Variants in MCOLN3 observed in about 807,000 individuals in gnomAD.
MCOLN3 encodes the protein mucolipin TRP cation channel 3.
Under a neutral mutation model 69.4 loss-of-function variants are expected in MCOLN3, and 62 were observed. That is an observed-to-expected ratio of 0.89 (90% confidence interval 0.73 to 1.10). The LOEUF (loss-of-function observed/expected upper bound fraction) is 1.10. Ranked by LOEUF, MCOLN3 falls within the 50% of genes least tolerant of loss-of-function variation. MCOLN3 has a pLI of 0.00. For synonymous variants in MCOLN3, 183 were observed against 217.0 expected (o/e 0.84, Z 1.38); for missense variants, 564 against 656.4 (o/e 0.86, Z 1.54).
At chr1:85,030,801 T>C (rs11161512) in intron 6 of MCOLN3, among the ~76,000 whole-genome samples, 26,076 of 152,090 alleles carry the variant, frequency 0.17, 2,592 homozygotes, top group East Asian at 0.46. Context: ...TTAGAAATAA[T>C]GCAAGCTAGA....
Position 85,048,478 on chromosome 1 carries a change from C to T in MCOLN3, c.-85G>A, listed in dbSNP as rs899856262. ...AGTCAGCGAGCGACTCCAGCAGCCTCGAGCCCCGCTCCGCCCAGAGTCAGA... is the reference window on the plus strand; with the variant it reads ...AGTCAGCGAGCGACTCCAGCAGCCTTGAGCCCCGCTCCGCCCAGAGTCAGA... On this transcript the variant is annotated 5_prime_UTR_variant, in exon 1 of 13. Coordinates refer to ENST00000370589, the MANE Select transcript of MCOLN3 (RefSeq NM_018298.11). The T allele has an allele frequency of 6.6e-6, 1 of 152,322 alleles. No homozygotes were observed. Among genetic ancestry groups the T allele is most frequent in the Admixed American group, 6.5e-5 (1 of 15,284 alleles). The allele number at this position is 152,322 out of a possible 1,614,324, so 9.4% of individuals were successfully genotyped here. A position where few individuals can be genotyped will look rare whatever the true frequency, so the allele number is the denominator to read the frequency against.
At position 85,034,217 on chromosome 1, in the gene MCOLN3, T is replaced by A. The variant is rs757083799; in HGVS notation, c.431A>T (p.His144Leu). ...LQLYNVSVGN[H>L]AYENKGTKQS... Reference sequence around the variant, plus strand: ...CTTGGTACCTTTGTTCTCATAAGCATGATTCCCAACGGAGACATTGTATAG... The same window carrying A: ...CTTGGTACCTTTGTTCTCATAAGCAAGATTCCCAACGGAGACATTGTATAG... The change falls in exon 4 of 13, where the codon CAT (histidine) becomes CTT (leucine). Residue 144 changes from histidine to leucine, a missense_variant. Transcript: ENST00000370589. 1 of 1,614,170 alleles carries A rather than the reference T, an allele frequency of 6.2e-7. No individual in the cohort carries two copies. Among genetic ancestry groups the A allele is most frequent in the Non-Finnish European group, 8.5e-7 (1 of 1,180,010 alleles).
intron 3 of MCOLN3, among the ~76,000 whole-genome samples, chr1:85,038,214 G>A (rs531733627): frequency 6.6e-6 from 1 of 152,282 alleles, no homozygotes; most frequent in African/African-American, 2.4e-5. Flanking sequence ...TTGTGAGGTA[G>A]GTGTCTGGCA....
chr1:85,034,138 A>C lies in MCOLN3; in HGVS notation c.510T>G (p.Pro170=), dbSNP rs1322137149. 1 of 1,614,092 alleles carries C rather than the reference A, an allele frequency of 6.2e-7. No homozygotes were observed. Among genetic ancestry groups the C allele is most frequent in the African/African-American group, 1.3e-5 (1 of 74,950 alleles). ...QHFYKRGNIY[P]GNDTFDIDPE... The stretch of plus-strand genomic sequence containing the variant: ...GATCGATGTCAAAGGTATCATTTCC[A>C]GGGTAGATGTTTCCTCGCTTGTAGA... Residue 170 remains proline (P), a synonymous_variant, in exon 4 of 13, where the codon CCT becomes CCG. Transcript: ENST00000370589.
At position 85,045,286 on chromosome 1, in the gene MCOLN3, T is replaced by C; in HGVS notation, c.75A>G (p.Gln25=). ...EEENRCNFNQ[Q]TSPSEELLLE... ...ATAGAAGCTCCTCAGATGGAGATGT[T>C]TGCTGGTTAAAATTGCAGCGATTTT... Residue 25 remains glutamine, a synonymous_variant, in exon 2 of 13, where the codon CAA becomes CAG. Coordinates refer to ENST00000370589, the MANE Select transcript of MCOLN3 (RefSeq NM_018298.11). 1 of 1,614,170 alleles carries C rather than the reference T, an allele frequency of 6.2e-7. No homozygotes were observed. The highest frequency in any genetic ancestry group is 8.5e-7 in the Non-Finnish European group (1 of 1,180,010).
chr1:85,045,434 T>C, intron 1 of MCOLN3, 72 bp from the exon 2 acceptor site: 2 of 1,223,634 alleles, frequency 1.6e-6, no homozygotes, highest in Non-Finnish European at 2.3e-6. Context: ...GTCCATATTC[T>C]TTAATATTGC....
Position 85,032,934 on chromosome 1 carries a change from A to G in MCOLN3, c.573T>C (p.Asp191=). 1.2e-6 allele frequency: 2 copies of G among 1,614,054 alleles called. No homozygotes were observed. The highest frequency in any genetic ancestry group is 1.3e-5 in the African/African-American group (1 of 75,072). Residue 191 remains aspartate (D), a synonymous_variant, in exon 5 of 13, where the codon GAT becomes GAC. Coordinates refer to ENST00000370589, the MANE Select transcript of MCOLN3 (RefSeq NM_018298.11). ...CTGGTGTCCCAATGTGAAAAGGTTC[A>G]TCTGGCTCCACAAAGAAACACTCTG... is the stretch of plus-strand genomic sequence containing the variant. ...IETECFFVEP[D]EPFHIGTPAE... is the part of the protein sequence containing the mutation.
chr1:85,038,044 A>ACAG (rs1652881945), intron 3 of MCOLN3, among the ~76,000 whole-genome samples: 1 of 152,238 alleles, frequency 6.6e-6, no homozygotes, highest in Non-Finnish European at 1.5e-5. Context: ...CCATCCAGAA[A>ACAG]CAGGAATTTA....
chr1:85,041,621 G>C (rs924368260), intron 2 of MCOLN3, among the ~76,000 whole-genome samples: 1 of 152,042 alleles, frequency 6.6e-6, no homozygotes, highest in African/African-American at 2.4e-5. Context: ...TGTAATCCCA[G>C]CACTTTGGGA....
intron 3 of MCOLN3, among the ~76,000 whole-genome samples, chr1:85,038,931 G>A (rs1021188483): frequency 2.0e-5 from 3 of 152,100 alleles, no homozygotes; most frequent in Non-Finnish European, 4.4e-5. Flanking sequence ...GGAGGCAGAG[G>A]TTGCAGTGAG....
intron 12 of MCOLN3, among the ~76,000 whole-genome samples, chr1:85,019,711 A>G (rs562505719): frequency 6.6e-6 from 1 of 152,334 alleles, no homozygotes; most frequent in East Asian, 1.9e-4. Flanking sequence ...AGGGATGGAA[A>G]TCCCTGGCCT....
Position 85,022,187 on chromosome 1 carries a change from G to A in MCOLN3, c.1203C>T (p.Leu401=). The change falls in exon 11 of 13, where the codon CTC becomes CTT. Residue 401 remains leucine, a synonymous_variant. Transcript: ENST00000370589. The part of the protein sequence containing the change: ...YLGFFAKYNL[L]ILTLQAALPN... ...GCAGCGCTGCCTGAAGGGTCAAAAT[G>A]AGGAGCTGGGAAAGTAAGAGAGGCC... 6.2e-7 allele frequency: 1 copy of A among 1,614,032 alleles called. No homozygotes were observed. Among genetic ancestry groups the A allele is most frequent in the Non-Finnish European group, 8.5e-7 (1 of 1,179,946 alleles).
Position 85,029,167 on chromosome 1 carries a change from T to C in MCOLN3, c.771A>G (p.Lys257=), listed in dbSNP as rs1357652099. 3.1e-6 allele frequency: 5 copies of C among 1,606,908 alleles called. No individual in the cohort carries two copies. Among genetic ancestry groups the C allele is most frequent in the African/African-American group, 2.7e-5 (2 of 74,786 alleles). The part of the protein sequence containing the change: ...FDNKAHSGRI[K]ISLDNDISIR... ...TGGAAATGTCATTATCTAAACTTAT[T>C]TTAATTCTTCCACTATGGGCCTTGT... The change falls in exon 7 of 13, where the codon AAA becomes AAG. Residue 257 remains lysine (K), a synonymous_variant. Transcript: ENST00000370589.
intron 6 of MCOLN3, among the ~76,000 whole-genome samples, chr1:85,030,404 A>G (rs1333672359): frequency 6.6e-6 from 1 of 152,238 alleles, no homozygotes; most frequent in Non-Finnish European, 1.5e-5. Context: ...GAATTTGAAA[A>G]TATAGCAACA....
intron 3 of MCOLN3, among the ~76,000 whole-genome samples, chr1:85,040,268 G>A (rs12037219): frequency 0.12 from 18,310 of 152,104 alleles, 1,397 homozygotes; most frequent in East Asian, 0.25. Flanking sequence ...ATCTTACTGT[G>A]CATAGACTGT....
intron 3 of MCOLN3, among the ~76,000 whole-genome samples, chr1:85,039,349 A>T (rs1358272085): frequency 1.3e-5 from 2 of 152,212 alleles, no homozygotes; most frequent in African/African-American, 4.8e-5. Flanking sequence ...CTGGCCTTAT[A>T]AAAGGCTGGG....
At chr1:85,032,309 A>G (rs1318699191) in intron 6 of MCOLN3, among the ~76,000 whole-genome samples, 1 of 152,316 alleles carries the variant, frequency 6.6e-6, no homozygotes, top group Admixed American at 6.5e-5. Context: ...TGGTGAAGAC[A>G]CTAAGTAACA....
At chr1:85,035,841 C>G (rs1420254955) in intron 3 of MCOLN3, among the ~76,000 whole-genome samples, 1 of 152,158 alleles carries the variant, frequency 6.6e-6, no homozygotes, top group African/African-American at 2.4e-5. Context: ...ATGTACAGCT[C>G]TTAGAACAGT....
intron 12 of MCOLN3, 56 bp downstream of exon 12, chr1:85,021,014 T>A (rs1651898431): frequency 6.8e-6 from 9 of 1,323,348 alleles, no homozygotes; most frequent in Non-Finnish European, 9.4e-6. Context: ...TGAATTTTAC[T>A]GCTACTCTAC....
Sources: gnomAD v4.1 joint callset for allele counts (sites outside exome capture counted in the v4.1 genomes callset) on GRCh38, gnomAD v4.1.1 for gene constraint, MANE v1.5 for transcripts, NCBI Gene and HGNC (gene_info 2026-07-23, HGNC 2026-07-21) for gene names.